ANXA4: variants seen among roughly 807,000 people sequenced by gnomAD.
The protein encoded by ANXA4 is 35-beta calcimedin.
Under a neutral mutation model 49.8 loss-of-function variants are expected in ANXA4, and 39 were observed. The observed-to-expected ratio is 0.78, with a 90% CI of 0.61 to 1.02. The LOEUF is 1.02. ANXA4 is among the 50% of genes least tolerant of loss of function. The pLI is 0.00. For synonymous variants in ANXA4, 134 were observed against 152.5 expected, an observed-to-expected ratio of 0.88 and a Z score of 0.89; for missense variants, 360 against 410.1, an observed-to-expected ratio of 0.88 and a Z score of 1.05.
intron 2 of ANXA4, among the ~76,000 whole-genome samples, chr2:69,663,074 G>A (rs1338704284): frequency 7.1e-6 from 1 of 141,308 alleles, no homozygotes; most frequent in Non-Finnish European, 1.5e-5. Context: ...CTCACTGCAA[G>A]CTCCGCCTCC....
At chr2:69,647,549 C>T (rs1676057777) in intron 1 of ANXA4, among the ~76,000 whole-genome samples, 1 of 152,046 alleles carries the variant, frequency 6.6e-6, no homozygotes, top group East Asian at 1.9e-4. Context: ...GCGGGGACTA[C>T]AGGTGTGTGC....
intron 1 of ANXA4, among the ~76,000 whole-genome samples, chr2:69,768,663 T>A (rs963240092): frequency 1.3e-5 from 2 of 152,198 alleles, no homozygotes; most frequent in Non-Finnish European, 2.9e-5. Context: ...ACATGAAACA[T>A]CAGTAAAACT....
intron 1 of ANXA4, among the ~76,000 whole-genome samples, chr2:69,754,412 C>T (rs1296042248): frequency 6.6e-6 from 1 of 152,158 alleles, no homozygotes; most frequent in Non-Finnish European, 1.5e-5. Flanking sequence ...GGGATTCTTG[C>T]ACTTTACAAA....
At position 69,775,291 on chromosome 2, in the gene ANXA4, C is replaced by T. The variant is rs141549145; in HGVS notation, c.-46-6229C>T. Among the ~76,000 whole-genome samples the T allele has an allele frequency of 6.4e-4, 97 of 152,330 alleles. 1 individual carries two copies. The highest frequency in any genetic ancestry group is 2.1e-3 in the African/African-American group (87 of 41,568). On this transcript the variant is annotated intron_variant, in intron 1 of 12. Transcript: ENST00000394295. The stretch of plus-strand genomic sequence containing the variant: ...TGAGCTTGGTCTGACCCAGCACTCT[C>T]TTTTAATTTTATTTTATCTGTTACA...
intron 1 of ANXA4, among the ~76,000 whole-genome samples, chr2:69,780,110 A>G (rs1672134543): frequency 6.6e-6 from 1 of 151,642 alleles, no homozygotes; most frequent in Non-Finnish European, 1.5e-5. Flanking sequence ...TTTTCAAACT[A>G]CTGTGCAGGC....
At chr2:69,756,786 T>G (rs573961505) in intron 1 of ANXA4, among the ~76,000 whole-genome samples, 5 of 151,916 alleles carry the variant, frequency 3.3e-5, no homozygotes, top group Non-Finnish European at 5.9e-5. Context: ...TTAAAATTTA[T>G]AATATATGCA....
chr2:69,774,329 C>G (rs1433632769), intron 1 of ANXA4, among the ~76,000 whole-genome samples: 2 of 40,548 alleles, frequency 4.9e-5, no homozygotes, highest in Non-Finnish European at 8.3e-5. Flanking sequence ...TAAAAGGAGC[C>G]CCCCCCCCCC....
At chr2:69,716,066 A>T (rs1249174069) in intron 2 of ANXA4, among the ~76,000 whole-genome samples, 2 of 152,160 alleles carry the variant, frequency 1.3e-5, no homozygotes, top group Non-Finnish European at 2.9e-5. Flanking sequence ...GAGTGATCAA[A>T]CTGTATGTAA....
At chr2:69,807,849 T>C (rs1037821711) in intron 5 of ANXA4, 57 bp from the exon 6 acceptor site, 15 of 1,418,442 alleles carry the variant, frequency 1.1e-5, no homozygotes, top group Non-Finnish European at 1.4e-5. Context: ...CTTCTGTGTC[T>C]GGGCCTCAGC....
chr2:69,684,289 A>G (rs1677704088), intron 2 of ANXA4, among the ~76,000 whole-genome samples: 2 of 152,204 alleles, frequency 1.3e-5, no homozygotes, highest in Middle Eastern at 3.2e-3. Flanking sequence ...CTATCCTACC[A>G]TCAAATTGCC....
chr2:69,674,838 A>G (rs1017580003), intron 2 of ANXA4, among the ~76,000 whole-genome samples: 6 of 151,806 alleles, frequency 4.0e-5, no homozygotes, highest in African/African-American at 1.5e-4. Flanking sequence ...ATAAAAAATA[A>G]TTGATTCTCC....
chr2:69,778,959 A>G (rs1246320858), intron 1 of ANXA4, among the ~76,000 whole-genome samples: 1 of 151,160 alleles, frequency 6.6e-6, no homozygotes, highest in Non-Finnish European at 1.5e-5. Context: ...TTAGCCGGGT[A>G]TGGTGATACA....
chr2:69,791,345 T>C (rs1474821905), intron 3 of ANXA4, among the ~76,000 whole-genome samples: 1 of 152,250 alleles, frequency 6.6e-6, no homozygotes, highest in Non-Finnish European at 1.5e-5. Context: ...AAAGCCTTGG[T>C]AAAACAACCA....
At chr2:69,774,165 C>T (rs1313803530) in intron 1 of ANXA4, among the ~76,000 whole-genome samples, 3 of 152,058 alleles carry the variant, frequency 2.0e-5, no homozygotes, top group Non-Finnish European at 2.9e-5. Context: ...CCTGCTAAGA[C>T]TAGTCCGTGA....
intron 3 of ANXA4, among the ~76,000 whole-genome samples, chr2:69,728,722 A>G (rs1015178251): frequency 6.6e-5 from 10 of 152,100 alleles, no homozygotes; most frequent in African/African-American, 1.4e-4. Context: ...CCGTTTGTCT[A>G]TTTCTCTATC....
intron 2 of ANXA4, among the ~76,000 whole-genome samples, chr2:69,680,625 T>C (rs890474731): frequency 6.6e-6 from 1 of 152,166 alleles, no homozygotes; most frequent in African/African-American, 2.4e-5. Context: ...TTCAGTATGA[T>C]GTTAGCTGTG....
intron 10 of ANXA4, 136 bp downstream of exon 10, chr2:69,818,830 T>G: frequency 1.7e-6 from 1 of 593,570 alleles, no homozygotes. Flanking sequence ...ACATTCCAGA[T>G]TTTTAAACAA....
At chr2:69,698,424 C>G (rs1178507759) in intron 2 of ANXA4, among the ~76,000 whole-genome samples, 1 of 152,200 alleles carries the variant, frequency 6.6e-6, no homozygotes. Flanking sequence ...ATTTCCTTGG[C>G]TGGCCTCTTC....
chr2:69,644,664 G>A (rs1285675985), exon 1 of ANXA4: 1 of 152,144 alleles, frequency 6.6e-6, no homozygotes, highest in East Asian at 1.9e-4. Context: ...CAAAACTCGG[G>A]GGCTTTTCGG....
Sources: allele counts gnomAD v4.1 joint callset (sites outside exome capture counted in the v4.1 genomes callset), GRCh38; gene constraint gnomAD v4.1.1; transcripts MANE v1.5; gene names NCBI Gene and HGNC (gene_info 2026-07-23, HGNC 2026-07-21).